Variants in STRN observed in about 807,000 individuals in gnomAD.
The protein encoded by STRN is protein phosphatase 2 regulatory subunit B'''alpha.
Under a neutral mutation model 96.3 loss-of-function variants are expected in STRN, and 53 were observed. That is an observed-to-expected ratio of 0.55 (90% CI 0.44 to 0.69). The LOEUF is 0.69. Among genes scored for constraint, STRN ranks in the 30% least tolerant of loss-of-function variants. The pLI, the probability that STRN is intolerant of heterozygous loss-of-function variation, is 0.00. For synonymous variants in STRN, 428 were observed against 355.9 expected (o/e 1.20, Z -2.28); for missense variants, 987 against 963.9 (o/e 1.02, Z -0.32).
chr2:36,884,167 A>G (rs927169393), intron 8 of STRN, 92 bp from the exon 9 acceptor site: 8 of 1,108,808 alleles, frequency 7.2e-6, no homozygotes, highest in African/African-American at 1.6e-5. Context: ...CTTATTTTCC[A>G]TCTGTCAATA....
intron 1 of STRN, among the ~76,000 whole-genome samples, chr2:36,928,715 C>G (rs1325323701): frequency 6.7e-6 from 1 of 149,222 alleles, no homozygotes. Flanking sequence ...GAGGCCGAGG[C>G]GGGTGGATCA....
chr2:36,879,157 G>T (rs1558634415), intron 9 of STRN, among the ~76,000 whole-genome samples: 1 of 150,884 alleles, frequency 6.6e-6, no homozygotes, highest in Non-Finnish European at 1.5e-5. Flanking sequence ...TGCAACCTCT[G>T]CCTCCTGGGT....
intron 2 of STRN, among the ~76,000 whole-genome samples, chr2:36,918,399 G>C (rs976559327): frequency 2.5e-4 from 38 of 152,118 alleles, no homozygotes; most frequent in African/African-American, 7.5e-4. Flanking sequence ...TCTGAAGACA[G>C]ATTATATTAA....
At chr2:36,908,908 G>A (rs887175992) in intron 3 of STRN, among the ~76,000 whole-genome samples, 23 of 151,994 alleles carry the variant, frequency 1.5e-4, no homozygotes, top group African/African-American at 5.3e-4. Context: ...ATGAACCTGG[G>A]AGGCAGAGGT....
At position 36,843,431 on chromosome 2, in the gene STRN, A is replaced by G. The variant is rs1053920094; in HGVS notation, c.*6025T>C. ...AACAAAAAATAAAAACATTGTATTT[A>G]TATATGTGTATAAATTTTAAAAGCC... On this transcript the variant is annotated 3_prime_UTR_variant, in exon 18 of 18. Transcript: ENST00000263918. 6.6e-6 allele frequency among the ~76,000 whole-genome samples: 1 copy of G among 152,204 alleles called. No homozygotes were observed. The highest frequency in any genetic ancestry group is 1.5e-5 in the Non-Finnish European group (1 of 68,032).
chr2:36,923,862 C>T (rs55852663), intron 2 of STRN, among the ~76,000 whole-genome samples: 2,228 of 152,090 alleles, frequency 0.015, 31 homozygotes, highest in Non-Finnish European at 0.026. Context: ...CTCAGATTGT[C>T]GACAAAAAAA....
At position 36,957,742 on chromosome 2, in the gene STRN, G is replaced by GTTTTTTTTTTT. The variant is rs1158709835; in HGVS notation, c.234+8487_234+8488insAAAAAAAAAAA. Reference sequence around the variant, plus strand: ...GATTAGTCTCATAGTTCTTCTTTTTGTCTTTTTTTTTTTTTTTTTTTTTTT... The same window carrying GTTTTTTTTTTT: ...GATTAGTCTCATAGTTCTTCTTTTTGTTTTTTTTTTTTCTTTTTTTTTTTTTTTTTTTTTTT... On this transcript the variant is annotated intron_variant, in intron 1 of 17. Coordinates refer to ENST00000263918, the MANE Select transcript of STRN (RefSeq NM_003162.4). 6.0e-4 allele frequency among the ~76,000 whole-genome samples: 62 copies of GTTTTTTTTTTT among 103,122 alleles called. 9 individuals carry two copies. The highest frequency in any genetic ancestry group is 8.3e-4 in the Non-Finnish European group (43 of 51,660). 67.7% of individuals were successfully genotyped at this position (103,122 alleles called of 152,430 possible). A position where few individuals can be genotyped will look rare whatever the true frequency, so the allele number is the denominator to read the frequency against.
At position 36,846,883 on chromosome 2, in the gene STRN, TA is replaced by T. The variant is rs1245740486; in HGVS notation, c.*2572del. ...TAAGGCAGGGATCCAAACCTCCCGCTAATTTTCATACTATTCCAATACATTT... is the reference window on the plus strand; with the variant it reads ...TAAGGCAGGGATCCAAACCTCCCGCTATTTTCATACTATTCCAATACATTT... On this transcript the variant is annotated 3_prime_UTR_variant, in exon 18 of 18. Coordinates refer to ENST00000263918, the MANE Select transcript of STRN (RefSeq NM_003162.4). The T allele has an allele frequency of 6.6e-6, 1 of 152,156 alleles. No individual in the cohort carries two copies. Among genetic ancestry groups the T allele is most frequent in the Non-Finnish European group, 1.5e-5 (1 of 68,020 alleles). The allele number at this position is 152,156 out of a possible 1,614,324, so 9.4% of individuals were successfully genotyped here. A position where few individuals can be genotyped will look rare whatever the true frequency, so the allele number is the denominator to read the frequency against.
At chr2:36,952,077 C>A (rs1351067606) in intron 1 of STRN, among the ~76,000 whole-genome samples, 2 of 152,044 alleles carry the variant, frequency 1.3e-5, no homozygotes, top group African/African-American at 4.8e-5. Flanking sequence ...ACAATTGTGG[C>A]TTATTCAAGA....
intron 1 of STRN, among the ~76,000 whole-genome samples, chr2:36,932,223 C>T (rs756999919): frequency 3.9e-5 from 6 of 152,008 alleles, no homozygotes; most frequent in Admixed American, 2.6e-4. Flanking sequence ...GGCGTGATCT[C>T]GGCTCACTGC....
At chr2:36,915,662 A>T (rs1472854599) in intron 3 of STRN, among the ~76,000 whole-genome samples, 1 of 152,204 alleles carries the variant, frequency 6.6e-6, no homozygotes, top group Non-Finnish European at 1.5e-5. Flanking sequence ...TTTTGGGATG[A>T]GGAATTCCTC....
chr2:36,899,034 T>C lies in STRN; in HGVS notation c.795+489A>G, dbSNP rs1303701125. ...CAAGAACCTGCCATGGGAAAGTCAA[T>C]AAGCTTATCAACATCTGAACAAAAC... On this transcript the variant is annotated intron_variant, in intron 6 of 17. Coordinates refer to ENST00000263918, the MANE Select transcript of STRN (RefSeq NM_003162.4). 2.6e-5 allele frequency among the ~76,000 whole-genome samples: 4 copies of C among 152,090 alleles called. No individual in the cohort carries two copies. The East Asian group carries it at 7.7e-4, about 29-fold the overall frequency.
intron 7 of STRN, among the ~76,000 whole-genome samples, chr2:36,889,030 A>AC: frequency 1.3e-5 from 2 of 151,976 alleles, no homozygotes; most frequent in Middle Eastern, 6.8e-3. Context: ...CCCCACACTG[A>AC]CCCCAGCTCT....
chr2:36,935,685 G>A (rs916029292), intron 1 of STRN, among the ~76,000 whole-genome samples: 9 of 152,056 alleles, frequency 5.9e-5, no homozygotes, highest in African/African-American at 1.2e-4. Context: ...ATCTGCTGAG[G>A]ACAACAGCTA....
At chr2:36,952,339 A>G (rs1325661515) in intron 1 of STRN, among the ~76,000 whole-genome samples, 1 of 152,070 alleles carries the variant, frequency 6.6e-6, no homozygotes, top group Admixed American at 6.6e-5. Flanking sequence ...CCTGGAAGTC[A>G]GACAGGTTTC....
At chr2:36,863,474 C>T (rs891905532) in intron 12 of STRN, among the ~76,000 whole-genome samples, 25 of 152,164 alleles carry the variant, frequency 1.6e-4, no homozygotes, top group African/African-American at 4.6e-4. Flanking sequence ...GAAGATTAGA[C>T]GGTTATAAGT....
chr2:36,909,321 T>C (rs1669906743), intron 3 of STRN, among the ~76,000 whole-genome samples: 1 of 152,150 alleles, frequency 6.6e-6, no homozygotes, highest in South Asian at 2.1e-4. Context: ...AGTGACATTA[T>C]ATAAAAGTGA....
intron 1 of STRN, among the ~76,000 whole-genome samples, chr2:36,928,368 T>C (rs1670472863): frequency 6.6e-6 from 1 of 151,564 alleles, no homozygotes; most frequent in South Asian, 2.1e-4. Flanking sequence ...AAGAGGAAAA[T>C]AGGTCGGACA....
intron 10 of STRN, among the ~76,000 whole-genome samples, chr2:36,874,766 C>A (rs921335314): frequency 2.3e-5 from 3 of 131,846 alleles, no homozygotes; most frequent in Non-Finnish European, 4.9e-5. Flanking sequence ...GAATTCAATA[C>A]GCAATAACAG....
Sources: allele counts gnomAD v4.1 joint callset (sites outside exome capture counted in the v4.1 genomes callset), GRCh38; gene constraint gnomAD v4.1.1; transcripts MANE v1.5; gene names NCBI Gene and HGNC (gene_info 2026-07-23, HGNC 2026-07-21).